Variants in GXYLT2 observed in about 807,000 individuals in gnomAD.
GXYLT2 encodes the protein glycosyltransferase 8 domain containing 4.
A neutral mutation model predicts 45.8 loss-of-function variants in GXYLT2; 53 were observed. The observed-to-expected ratio is 1.16, with a 90% CI of 0.93 to 1.46. The LOEUF (loss-of-function observed/expected upper bound fraction) is 1.46. Among genes scored for constraint, GXYLT2 ranks in the 40% most tolerant of loss-of-function variants. The pLI is 0.00. For synonymous variants in GXYLT2, 219 were observed against 214.2 expected, an observed-to-expected ratio of 1.02 and a Z score of -0.19; for missense variants, 551 against 544.4, an observed-to-expected ratio of 1.01 and a Z score of -0.12.
At position 72,975,821 on chromosome 3, in the gene GXYLT2, G is replaced by A. The variant is rs1243454229; in HGVS notation, c.*662G>A. The A allele has an allele frequency of 6.6e-6, 1 of 151,888 alleles. No homozygotes were observed. The highest frequency in any genetic ancestry group is 1.9e-4 in the East Asian group (1 of 5,160). The allele number at this position is 151,888 out of a possible 1,614,324, so 9.4% of individuals were successfully genotyped here. ...AAAATATTAGATGAGATGATTATGT[G>A]TACAGAATTTTATTTAAAATACATC... On this transcript the variant is annotated 3_prime_UTR_variant, in exon 7 of 7. Coordinates refer to ENST00000389617, the MANE Select transcript of GXYLT2 (RefSeq NM_001080393.2).
At chr3:72,949,918 C>A (rs1710488076) in intron 3 of GXYLT2, among the ~76,000 whole-genome samples, 1 of 152,114 alleles carries the variant, frequency 6.6e-6, no homozygotes, top group South Asian at 2.1e-4. Context: ...GATCACATAG[C>A]ATTTATTGAG....
At chr3:72,919,866 G>T (rs1327279322) in intron 2 of GXYLT2, among the ~76,000 whole-genome samples, 1 of 152,206 alleles carries the variant, frequency 6.6e-6, no homozygotes, top group Non-Finnish European at 1.5e-5. Context: ...ATAGATACAT[G>T]ATGTGCATTT....
At chr3:72,931,986 G>A (rs773329529) in intron 3 of GXYLT2, among the ~76,000 whole-genome samples, 2 of 151,476 alleles carry the variant, frequency 1.3e-5, no homozygotes, top group Non-Finnish European at 2.9e-5. Flanking sequence ...GGATTATAAA[G>A]CAATACTATG....
Position 72,912,013 on chromosome 3 carries a change from A to AT in GXYLT2, c.468+3469dup, listed in dbSNP as rs35108267. Reference sequence around the variant, plus strand: ...TGTGTGTATATATATATATATATATATTTTTTTTTTTTTTTGAGACAGCGT... The same window carrying AT: ...TGTGTGTATATATATATATATATATATTTTTTTTTTTTTTTTGAGACAGCGT... On this transcript the variant is annotated intron_variant, in intron 2 of 6. Coordinates refer to ENST00000389617, the MANE Select transcript of GXYLT2 (RefSeq NM_001080393.2). Among the ~76,000 whole-genome samples, 720 of 114,852 alleles carry AT rather than the reference A, an allele frequency of 6.3e-3. 8 individuals are homozygous for AT. The highest frequency in any genetic ancestry group is 0.016 in the East Asian group (70 of 4,444). The allele number at this position is 114,852 out of a possible 152,430, so 75.3% of individuals were successfully genotyped here. A position where few individuals can be genotyped will look rare whatever the true frequency, so the allele number is the denominator to read the frequency against.
At chr3:72,933,730 G>A (rs1473946354) in intron 3 of GXYLT2, among the ~76,000 whole-genome samples, 1 of 151,992 alleles carries the variant, frequency 6.6e-6, no homozygotes, top group African/African-American at 2.4e-5. Context: ...GCAACAAAGT[G>A]ACACCCTGTC....
At chr3:72,906,742 G>A (rs1488830317) in intron 1 of GXYLT2, among the ~76,000 whole-genome samples, 1 of 152,204 alleles carries the variant, frequency 6.6e-6, no homozygotes, top group African/African-American at 2.4e-5. Context: ...GGCAATGTAT[G>A]TGCCAAGACC....
chr3:72,924,114 G>C (rs1709877970), intron 3 of GXYLT2, among the ~76,000 whole-genome samples: 1 of 151,792 alleles, frequency 6.6e-6, no homozygotes, highest in South Asian at 2.1e-4. Flanking sequence ...AAAATAGAAA[G>C]TGAGATGAGA....
intron 3 of GXYLT2, 35 bp from the exon 4 acceptor site, chr3:72,955,063 C>T: frequency 6.2e-7 from 1 of 1,603,492 alleles, no homozygotes; most frequent in African/African-American, 1.3e-5. Context: ...TTTCTTCCCT[C>T]CTCTCCCCTT....
intron 6 of GXYLT2, among the ~76,000 whole-genome samples, chr3:72,972,184 G>T (rs542647642): frequency 1.3e-5 from 2 of 152,128 alleles, no homozygotes; most frequent in Non-Finnish European, 2.9e-5. Flanking sequence ...GTACGTGTTT[G>T]TGTGAAAGGG....
intron 5 of GXYLT2, among the ~76,000 whole-genome samples, chr3:72,963,685 T>C (rs1710810220): frequency 6.7e-6 from 1 of 150,368 alleles, no homozygotes; most frequent in East Asian, 2.0e-4. Context: ...TTTTTTTTTT[T>C]TTTGAGACAA....
chr3:72,895,495 A>T (rs1459669142), intron 1 of GXYLT2, among the ~76,000 whole-genome samples: 1 of 152,216 alleles, frequency 6.6e-6, no homozygotes, highest in Non-Finnish European at 1.5e-5. Context: ...GGCCATATTG[A>T]CACGGTTCCT....
chr3:72,903,035 T>G (rs11922892), intron 1 of GXYLT2, among the ~76,000 whole-genome samples: 47,042 of 151,956 alleles, frequency 0.31, 7,666 homozygotes, highest in Non-Finnish European at 0.34. Flanking sequence ...AAACAAAAAA[T>G]AATAGGAAAA....
intron 6 of GXYLT2, among the ~76,000 whole-genome samples, chr3:72,974,634 G>T (rs1320985402): frequency 6.6e-6 from 1 of 152,016 alleles, no homozygotes; most frequent in Non-Finnish European, 1.5e-5. Context: ...TTTTTAATGA[G>T]ATGGGGTCTT....
chr3:72,946,629 G>A (rs60942950), intron 3 of GXYLT2, among the ~76,000 whole-genome samples: 1 of 152,054 alleles, frequency 6.6e-6, no homozygotes, highest in African/African-American at 2.4e-5. Context: ...AGAGCTCTCC[G>A]AGGCCTTCTT....
At position 72,897,384 on chromosome 3, in the gene GXYLT2, T is replaced by C. The variant is rs115978955; in HGVS notation, c.275+8876T>C. The stretch of plus-strand genomic sequence containing the variant: ...TGTAACAATTCCCAATAGGTCTGGG[T>C]GTGCAACCTCCTCTTCTGGTAGCCC... On this transcript the variant is annotated intron_variant, in intron 1 of 6. Transcript: ENST00000389617. 6.5e-3 allele frequency among the ~76,000 whole-genome samples: 993 copies of C among 152,318 alleles called. 13 individuals are homozygous for C. Among genetic ancestry groups the C allele is most frequent in the African/African-American group, 0.023 (948 of 41,574 alleles).
chr3:72,905,872 C>T (rs1690074409), intron 1 of GXYLT2, among the ~76,000 whole-genome samples: 1 of 152,166 alleles, frequency 6.6e-6, no homozygotes, highest in Non-Finnish European at 1.5e-5. Context: ...TGGATTTGTA[C>T]TTCCCTGATT....
At chr3:72,948,835 CAAAAA>C (rs1234193329) in intron 3 of GXYLT2, among the ~76,000 whole-genome samples, 1 of 74,962 alleles carries the variant, frequency 1.3e-5, no homozygotes, top group Admixed American at 1.5e-4. Context: ...GATTCTGTCT[CAAAAA>C]AAAAAAAAAA....
In GXYLT2 at chr3:72,888,351, G is replaced by T; in HGVS notation, c.118G>T (p.Ala40Ser). ...GCCCCCAGCGCTGCCCGCGCGCCCCGCGTCCGCCCCGCAGCGCCACCCCGC... is the reference window on the plus strand; with the variant it reads ...GCCCCCAGCGCTGCCCGCGCGCCCCTCGTCCGCCCCGCAGCGCCACCCCGC... ...AEPPALPARP[A>S]SAPQRHPAPV... The change falls in exon 1 of 7, where the codon GCG (alanine) becomes TCG (serine). Residue 40 changes from alanine (A) to serine (S), a missense_variant. By Grantham distance (99) the Ala-to-Ser change is moderately conservative. Coordinates refer to ENST00000389617, the MANE Select transcript of GXYLT2 (RefSeq NM_001080393.2). The T allele has an allele frequency of 2.0e-6, 2 of 982,444 alleles. No individual in the cohort carries two copies. Among genetic ancestry groups the T allele is most frequent in the Non-Finnish European group, 2.4e-6 (2 of 829,878 alleles). 60.9% of individuals were successfully genotyped at this position (982,444 alleles called of 1,614,324 possible). A position where few individuals can be genotyped will look rare whatever the true frequency, so the allele number is the denominator to read the frequency against.
In GXYLT2 at chr3:72,975,116, A is replaced by G; in HGVS notation, c.1289A>G (p.Glu430Gly). 2 of 1,613,772 alleles carry G rather than the reference A, an allele frequency of 1.2e-6. No homozygotes were observed. The highest frequency in any genetic ancestry group is 1.7e-6 in the Non-Finnish European group (2 of 1,179,778). The change falls in exon 7 of 7, where the codon GAG becomes GGG. Residue 430 changes from glutamate to glycine, a missense_variant. Glu to Gly is a moderately conservative substitution (Grantham distance 98). Coordinates refer to ENST00000389617, the MANE Select transcript of GXYLT2 (RefSeq NM_001080393.2). ...QIEKTMKRAY[E>G]KHVIIHVGPN... Reference sequence around the variant, plus strand: ...GAGAAAACAATGAAAAGGGCTTATGAGAAACACGTCATCATCCATGTTGGC... The same window carrying G: ...GAGAAAACAATGAAAAGGGCTTATGGGAAACACGTCATCATCCATGTTGGC...
Sources: gnomAD v4.1 joint callset for allele counts (sites outside exome capture counted in the v4.1 genomes callset) on GRCh38, gnomAD v4.1.1 for gene constraint, MANE v1.5 for transcripts, NCBI Gene and HGNC (gene_info 2026-07-23, HGNC 2026-07-21) for gene names.